The following TBL1X variants were observed in gnomAD, a reference collection of about 807,000 sequenced individuals.
TBL1X encodes F-box-like/WD repeat-containing protein TBL1X.
Under a neutral mutation model 50.7 loss-of-function variants are expected in TBL1X, and 10 were observed. The ratio of observed to expected loss-of-function variants is 0.20; its 90% CI spans 0.12 to 0.33. TBL1X has a LOEUF of 0.33. TBL1X is among the 10% of genes least tolerant of loss of function. The pLI is 1.00. For missense variants in TBL1X, 340 were observed against 504.4 expected, an observed-to-expected ratio of 0.67 and a Z score of 3.12; for synonymous variants, 190 against 214.7, an observed-to-expected ratio of 0.88 and a Z score of 1.01.
Position 9,622,237 on chromosome X carries a change from C to T in TBL1X, c.-130-18036C>T, listed in dbSNP as rs775342236. Among the ~76,000 whole-genome samples the T allele has an allele frequency of 1.5e-4, 17 of 111,029 alleles. No homozygotes were observed. In the South Asian group the frequency reaches 6.1e-3, roughly 40 times the overall value. On this transcript the variant is annotated intron_variant, in intron 2 of 17. Coordinates refer to ENST00000645353, the MANE Select transcript of TBL1X (RefSeq NM_005647.4). ...GCATACAGTTCAGTGGCATTAAGTA[C>T]AGTCACCATCTACCTCCAGAACTTT...
At chrX:9,492,841 GTGTGTGT>G (rs2081951668) in intron 1 of TBL1X, among the ~76,000 whole-genome samples, 2 of 8,888 alleles carry the variant, frequency 2.3e-4, no homozygotes, top group African/African-American at 6.2e-4. Context: ...GCTAGAGGGT[GTGTGTGT>G]GTGTGTGTGT....
chrX:9,699,233 G>A (rs58043760), intron 12 of TBL1X, among the ~76,000 whole-genome samples: 1,664 of 111,180 alleles, frequency 0.015, 32 homozygotes, highest in African/African-American at 0.051. Context: ...TGCCCACCTC[G>A]GTCTTCCAAA....
chrX:9,610,265 T>C (rs1050237204), intron 2 of TBL1X, among the ~76,000 whole-genome samples: 15 of 112,701 alleles, frequency 1.3e-4, no homozygotes, highest in East Asian at 8.3e-4. Context: ...CTCTCCTGTT[T>C]CCTGGTGTGC....
chrX:9,715,123 G>C, intron 17 of TBL1X, 120 bp downstream of exon 17: 2 of 672,837 alleles, frequency 3.0e-6, no homozygotes, highest in Middle Eastern at 3.8e-4. Flanking sequence ...GCCAAAGGAA[G>C]CTTCTGGGCT....
At chrX:9,580,092 G>A (rs1447051401) in intron 2 of TBL1X, among the ~76,000 whole-genome samples, 2 of 112,585 alleles carry the variant, frequency 1.8e-5, no homozygotes, top group Admixed American at 9.4e-5. Context: ...GAGATCCTGA[G>A]TACATGTGCC....
intron 2 of TBL1X, among the ~76,000 whole-genome samples, chrX:9,547,721 G>C (rs1001617823): frequency 1.8e-5 from 2 of 108,877 alleles, no homozygotes; most frequent in African/African-American, 6.7e-5. Flanking sequence ...AAAGAGCCTT[G>C]GAGAATGATA....
chrX:9,556,006 G>C (rs1170999345), intron 2 of TBL1X, among the ~76,000 whole-genome samples: 1 of 109,369 alleles, frequency 9.1e-6, no homozygotes, highest in East Asian at 2.9e-4. Flanking sequence ...TGGGCAACAT[G>C]GCAAAACCTC....
At chrX:9,592,311 A>G (rs1001165074) in intron 2 of TBL1X, among the ~76,000 whole-genome samples, 1 of 111,811 alleles carries the variant, frequency 8.9e-6, no homozygotes, top group Non-Finnish European at 1.9e-5. Context: ...AGCTCCTGGT[A>G]GTGGGGCTGG....
chrX:9,697,453 G>A, intron 12 of TBL1X, 24 bp downstream of exon 12: 2 of 1,208,042 alleles, frequency 1.7e-6, no homozygotes, highest in Non-Finnish European at 2.2e-6. Flanking sequence ...TGTTGTTGTT[G>A]TTGTTTGTTT....
chrX:9,573,493 A>G (rs977805177), intron 2 of TBL1X, among the ~76,000 whole-genome samples: 2 of 112,851 alleles, frequency 1.8e-5, no homozygotes, highest in Admixed American at 9.4e-5. Context: ...TTAATCTTGT[A>G]TGAAATTCAG....
chrX:9,625,564 G>A (rs12009097), intron 2 of TBL1X, among the ~76,000 whole-genome samples: 44,207 of 111,317 alleles, frequency 0.4, 7,058 homozygotes, highest in Non-Finnish European at 0.51. Context: ...ACTGGAATCC[G>A]GAGGAGAGAA....
chrX:9,546,887 C>A (rs199899172), intron 2 of TBL1X, among the ~76,000 whole-genome samples: 35 of 84,344 alleles, frequency 4.1e-4, no homozygotes, highest in Admixed American at 9.3e-4. Flanking sequence ...GGCGCGATCT[C>A]GGCTCACTGC....
chrX:9,633,159 A>T (rs747297846), intron 2 of TBL1X, among the ~76,000 whole-genome samples: 2 of 112,451 alleles, frequency 1.8e-5, no homozygotes, highest in Non-Finnish European at 3.8e-5. Context: ...TGCTTATAAC[A>T]TATATGCTTA....
intron 16 of TBL1X, among the ~76,000 whole-genome samples, chrX:9,714,004 G>A (rs1311320568): frequency 1.8e-5 from 2 of 110,253 alleles, no homozygotes; most frequent in African/African-American, 3.3e-5. Context: ...TTGTAGAGAC[G>A]AAGTCTCACT....
chrX:9,662,212 A>C (rs942316299), intron 5 of TBL1X, among the ~76,000 whole-genome samples: 2 of 111,198 alleles, frequency 1.8e-5, no homozygotes, highest in Non-Finnish European at 3.8e-5. Context: ...GGCTTGAGAG[A>C]GCTGAACAGA....
intron 1 of TBL1X, among the ~76,000 whole-genome samples, chrX:9,477,475 T>C (rs2081855646): frequency 8.9e-6 from 1 of 112,288 alleles, no homozygotes; most frequent in East Asian, 2.8e-4. Flanking sequence ...TCTCTATCTC[T>C]TGGAGTTGAC....
intron 2 of TBL1X, among the ~76,000 whole-genome samples, chrX:9,592,487 T>C (rs2082505786): frequency 8.9e-6 from 1 of 112,093 alleles, no homozygotes; most frequent in African/African-American, 3.3e-5. Context: ...AGATATACAT[T>C]ACGTAATACA....
At chrX:9,599,467 G>T (rs991734355) in intron 2 of TBL1X, among the ~76,000 whole-genome samples, 2 of 112,323 alleles carry the variant, frequency 1.8e-5, no homozygotes, top group Admixed American at 1.9e-4. Flanking sequence ...GCCAGGGTGG[G>T]CTTGGTGGAG....
chrX:9,470,893 C>G (rs1326480290), intron 1 of TBL1X, among the ~76,000 whole-genome samples: 2 of 112,100 alleles, frequency 1.8e-5, no homozygotes, highest in East Asian at 2.8e-4. Flanking sequence ...CTCGGCCTCC[C>G]AAACTACTGG....
Sources: allele counts gnomAD v4.1 joint callset (sites outside exome capture counted in the v4.1 genomes callset), GRCh38; gene constraint gnomAD v4.1.1; transcripts MANE v1.5; gene names NCBI Gene and HGNC (gene_info 2026-07-23, HGNC 2026-07-21).